ARID1B: variants seen among roughly 807,000 people sequenced by gnomAD.
ARID1B encodes the protein AT-rich interactive domain-containing protein 1B.
In ARID1B, 30 loss-of-function variants were observed where a neutral mutation model predicts 212.3. That is an observed-to-expected ratio of 0.14 (90% CI 0.11 to 0.19). The LOEUF (loss-of-function observed/expected upper bound fraction) is 0.19. Among genes scored for constraint, ARID1B ranks in the 10% least tolerant of loss-of-function variants. The probability of loss-of-function intolerance (pLI) is 1.00; values close to 1 mark genes in which losing one functional copy is unlikely to be tolerated. For synonymous variants in ARID1B, 1,402 were observed against 1,301.7 expected (o/e 1.08, Z -1.66); for missense variants, 2,891 against 3,204.0 (o/e 0.90, Z 2.36).
At chr6:156,939,318 G>A (rs1792489709) in intron 4 of ARID1B, 1 of 152,012 alleles carries the variant, frequency 6.6e-6, no homozygotes, top group South Asian at 2.1e-4. Context: ...ATAAACATTG[G>A]ATATCCCTCA....
At chr6:156,853,961 G>A (rs1445179989) in intron 2 of ARID1B, among the ~76,000 whole-genome samples, 3 of 152,044 alleles carry the variant, frequency 2.0e-5, no homozygotes, top group Admixed American at 2.0e-4. Context: ...TCGAACTCCT[G>A]GGCTCCAGTG....
At chr6:157,186,984 C>T (rs1793021356) in intron 13 of ARID1B, among the ~76,000 whole-genome samples, 2 of 152,232 alleles carry the variant, frequency 1.3e-5, no homozygotes, top group Non-Finnish European at 2.9e-5. Context: ...ATATCACTGC[C>T]AAGTGGCTGT....
chr6:157,202,649 T>TACACAC (rs754115969), intron 18 of ARID1B, among the ~76,000 whole-genome samples: 21 of 150,222 alleles, frequency 1.4e-4, no homozygotes, highest in African/African-American at 5.1e-4. Context: ...TGCCACTGTA[T>TACACAC]ACACACACAC....
rs11964328 is a variant in ARID1B at position 156,994,643 on chromosome 6, T to C, written c.2247+59067T>C. 4.4e-3 allele frequency among the ~76,000 whole-genome samples: 675 copies of C among 152,318 alleles called. 5 individuals carry two copies. Among genetic ancestry groups the C allele is most frequent in the African/African-American group, 0.015 (643 of 41,572 alleles). On this transcript the variant is annotated intron_variant, in intron 4 of 19. Transcript: ENST00000636930. ...CTGTAGGGTGAACGCACGCCCATTA[T>C]GGGCAACCTGATCTGGGCCATCCCC... is the stretch of plus-strand genomic sequence containing the variant.
chr6:157,024,374 TTGTATGAACAAAATTGAG>T (rs1780521552), intron 4 of ARID1B: 1 of 152,274 alleles, frequency 6.6e-6, no homozygotes, highest in Admixed American at 6.5e-5. Flanking sequence ...AAAAGCAGAT[TTGTATGAACAAAATTGAG>T]TGAACAAATT....
intron 9 of ARID1B, chr6:157,172,720 T>G (rs1390669433): frequency 6.6e-6 from 1 of 152,216 alleles, no homozygotes; most frequent in Non-Finnish European, 1.5e-5. Context: ...TAATTAAAAC[T>G]AATTATTTTC....
chr6:156,998,776 TCAA>T (rs1778750878), intron 4 of ARID1B, among the ~76,000 whole-genome samples: 1 of 152,164 alleles, frequency 6.6e-6, no homozygotes, highest in Non-Finnish European at 1.5e-5. Flanking sequence ...AGGGAGAAAA[TCAA>T]CAACTGCATT....
intron 4 of ARID1B, among the ~76,000 whole-genome samples, chr6:156,964,752 A>G (rs548169549): frequency 6.6e-6 from 1 of 152,372 alleles, no homozygotes; most frequent in South Asian, 2.1e-4. Context: ...GCATGATTTA[A>G]CACTAAGGTT....
At chr6:156,928,745 G>A (rs12190851) in intron 3 of ARID1B, among the ~76,000 whole-genome samples, 27,683 of 152,152 alleles carry the variant, frequency 0.18, 2,677 homozygotes, top group African/African-American at 0.23. Flanking sequence ...GTAGGCTTCT[G>A]GTAATGCTTG....
At chr6:156,890,036 A>G (rs924380991) in intron 2 of ARID1B, among the ~76,000 whole-genome samples, 5 of 152,254 alleles carry the variant, frequency 3.3e-5, no homozygotes, top group East Asian at 1.9e-4. Flanking sequence ...AATTAATTTA[A>G]GAAGTGTATA....
chr6:156,947,460 A>C (rs1470742053), intron 4 of ARID1B, among the ~76,000 whole-genome samples: 1 of 151,852 alleles, frequency 6.6e-6, no homozygotes, highest in Non-Finnish European at 1.5e-5. Context: ...AGGGCGTGTG[A>C]GTATGGGGCG....
chr6:156,929,163 G>A (rs1036264270), intron 3 of ARID1B, among the ~76,000 whole-genome samples: 3 of 152,160 alleles, frequency 2.0e-5, no homozygotes, highest in Admixed American at 1.3e-4. Context: ...AGGATGAACC[G>A]TGCACACTAC....
At chr6:156,854,918 C>G (rs1784813875) in intron 2 of ARID1B, among the ~76,000 whole-genome samples, 1 of 152,204 alleles carries the variant, frequency 6.6e-6, no homozygotes. Flanking sequence ...ACATGGGCCT[C>G]TGTTGATTGT....
chr6:156,871,504 GT>G, intron 2 of ARID1B: 1 of 891,934 alleles, frequency 1.1e-6, no homozygotes, highest in South Asian at 1.5e-5. Flanking sequence ...TTTTCTTGGA[GT>G]GATTAAGTTG....
intron 1 of ARID1B, among the ~76,000 whole-genome samples, chr6:156,827,284 G>A (rs748541320): frequency 6.6e-6 from 1 of 152,194 alleles, no homozygotes; most frequent in Non-Finnish European, 1.5e-5. Flanking sequence ...GGGATATGGT[G>A]ATTGGCTTCT....
At chr6:156,896,771 C>G (rs957588450) in intron 2 of ARID1B, among the ~76,000 whole-genome samples, 1 of 151,892 alleles carries the variant, frequency 6.6e-6, no homozygotes, top group African/African-American at 2.4e-5. Context: ...CCCAGCTACT[C>G]GGGAGGCTGA....
intron 4 of ARID1B, among the ~76,000 whole-genome samples, chr6:157,079,604 A>T (rs1377064979): frequency 6.6e-6 from 1 of 152,266 alleles, no homozygotes; most frequent in East Asian, 1.9e-4. Context: ...TTAGAAACAG[A>T]GGGCTGATAA....
chr6:157,174,992 C>A lies in ARID1B; in HGVS notation c.3491C>A (p.Thr1164Asn). Reference sequence around the variant, plus strand: ...ATTAGCAGCCCAGGCTGGCCAAAGACTCCATCAAGCCCTGTAAGTGGCTCT... The same window carrying A: ...ATTAGCAGCCCAGGCTGGCCAAAGAATCCATCAAGCCCTGTAAGTGGCTCT... ...DSISSPGWPK[T>N]PSSPKSSSST... The change falls in exon 11 of 20, where the codon ACT becomes AAT. Residue 1164 changes from threonine to asparagine, a missense_variant. Physicochemically the swap from Thr to Asn is moderately conservative, Grantham distance 65. Around this residue, in one of 7 missense-constraint regions of ARID1B, gnomAD observed 666 missense variants for 873.5 expected, o/e 0.76. Transcript: ENST00000636930. 1 of 1,453,968 alleles carries A rather than the reference C, an allele frequency of 6.9e-7. No homozygotes were observed. Among genetic ancestry groups the A allele is most frequent in the Non-Finnish European group, 9.1e-7 (1 of 1,099,486 alleles). 90.1% of individuals were successfully genotyped at this position (1,453,968 alleles called of 1,614,324 possible).
At chr6:156,794,860 G>A (rs948971170) in intron 1 of ARID1B, among the ~76,000 whole-genome samples, 2 of 152,106 alleles carry the variant, frequency 1.3e-5, no homozygotes, top group African/African-American at 4.8e-5. Flanking sequence ...GATTACAGGC[G>A]TGAAGCCCTT....
Sources: allele counts gnomAD v4.1 joint callset (sites outside exome capture counted in the v4.1 genomes callset), GRCh38; gene constraint gnomAD v4.1.1; regional missense constraint gnomAD v4.1.1; transcripts MANE v1.5; gene names NCBI Gene and HGNC (gene_info 2026-07-23, HGNC 2026-07-21).